Variants in PDE1A observed in about 807,000 individuals in gnomAD.
The protein encoded by PDE1A is phosphodiesterase 1A, also known as dual specificity calcium/calmodulin-dependent 3',5'-cyclic nucleotide phosphodiesterase 1A.
Under a neutral mutation model 61.7 loss-of-function variants are expected in PDE1A, and 35 were observed. The observed-to-expected ratio is 0.57, with a 90% CI of 0.43 to 0.75. The LOEUF is 0.75. PDE1A is among the 30% of genes least tolerant of loss of function. The pLI, the probability that PDE1A is intolerant of heterozygous loss-of-function variation, is 0.00. For missense variants in PDE1A, 597 were observed against 630.6 expected (o/e 0.95, Z 0.57); for synonymous variants, 232 against 213.2 (o/e 1.09, Z -0.77).
chr2:182,554,687 T>C, the PDE1A span, among the ~76,000 whole-genome samples: 3 of 152,210 alleles, frequency 2.0e-5, no homozygotes, highest in Non-Finnish European at 2.9e-5. Flanking sequence ...AAATAATGCA[T>C]GCACAGCCTT....
chr2:182,592,298 A>G, the PDE1A span, among the ~76,000 whole-genome samples: 2 of 152,330 alleles, frequency 1.3e-5, no homozygotes, highest in Non-Finnish European at 2.9e-5. Flanking sequence ...TTTCTCTCCG[A>G]GTTTCATCCA....
At chr2:182,179,671 AC>A (rs1375313815) in intron 13 of PDE1A, among the ~76,000 whole-genome samples, 1 of 151,028 alleles carries the variant, frequency 6.6e-6, no homozygotes, top group Non-Finnish European at 1.5e-5. Context: ...TCCTTTCTCT[AC>A]CCCCTCCTCT....
chr2:182,381,860 G>T (rs1045733578), intron 1 of PDE1A, among the ~76,000 whole-genome samples: 7 of 151,610 alleles, frequency 4.6e-5, no homozygotes, highest in Non-Finnish European at 1.0e-4. Context: ...GTTTAATTTT[G>T]TTCCCAAAGA....
chr2:182,424,657 G>A (rs528204201), intron 1 of PDE1A, among the ~76,000 whole-genome samples: 3 of 152,282 alleles, frequency 2.0e-5, no homozygotes, highest in Admixed American at 6.5e-5. Context: ...ACTAGCTATC[G>A]GGAAGTCTGT....
At chr2:182,383,072 A>T (rs568203670) in intron 1 of PDE1A, among the ~76,000 whole-genome samples, 2 of 152,256 alleles carry the variant, frequency 1.3e-5, no homozygotes, top group African/African-American at 4.8e-5. Context: ...TCCTTGCCTC[A>T]TCTGCAATTA....
At chr2:182,331,803 G>A (rs903223673) in intron 1 of PDE1A, among the ~76,000 whole-genome samples, 3 of 152,080 alleles carry the variant, frequency 2.0e-5, no homozygotes, top group Admixed American at 1.3e-4. Flanking sequence ...TTTCAACCTT[G>A]GTGAATCTGA....
the PDE1A span, among the ~76,000 whole-genome samples, chr2:182,589,269 G>GAGGAAGGAAGGAAGGA: frequency 1.8e-3 from 214 of 121,898 alleles, 1 homozygote; most frequent in African/African-American, 4.8e-3. Flanking sequence ...GGGAGGGAGG[G>GAGGAAGGAAGGAAGGA]AGGAAGGAAG....
At chr2:182,621,597 G>A in the PDE1A span, among the ~76,000 whole-genome samples, 2 of 149,190 alleles carry the variant, frequency 1.3e-5, no homozygotes, top group East Asian at 3.9e-4. Flanking sequence ...TTTTTTTTTT[G>A]GTTATCATTA....
chr2:182,375,245 C>T (rs1374363902), intron 1 of PDE1A, among the ~76,000 whole-genome samples: 1 of 152,156 alleles, frequency 6.6e-6, no homozygotes, highest in Non-Finnish European at 1.5e-5. Flanking sequence ...CTCATTTTAG[C>T]ATTAACCCAA....
intron 2 of PDE1A, among the ~76,000 whole-genome samples, chr2:182,492,873 A>T (rs1559510933): frequency 6.6e-6 from 1 of 152,188 alleles, no homozygotes; most frequent in Non-Finnish European, 1.5e-5. Context: ...ACATACTAAA[A>T]AGTCATTGGC....
At chr2:182,256,952 G>A (rs1330328764) in intron 2 of PDE1A, among the ~76,000 whole-genome samples, 2 of 152,104 alleles carry the variant, frequency 1.3e-5, no homozygotes, top group African/African-American at 4.8e-5. Context: ...ATTCCTCATA[G>A]TATCATCTTC....
intron 1 of PDE1A, among the ~76,000 whole-genome samples, chr2:182,368,408 T>C: frequency 6.6e-6 from 1 of 151,320 alleles, no homozygotes; most frequent in Non-Finnish European, 1.5e-5. Flanking sequence ...CATAACATTT[T>C]CCCCTTCCCA....
chr2:182,232,096 C>T (rs1689630796), intron 4 of PDE1A, among the ~76,000 whole-genome samples: 1 of 152,012 alleles, frequency 6.6e-6, no homozygotes, highest in East Asian at 1.9e-4. Flanking sequence ...AGGAAGTGGG[C>T]CTTTTGATTG....
chr2:182,568,739 G>T, the PDE1A span, among the ~76,000 whole-genome samples: 1 of 152,016 alleles, frequency 6.6e-6, no homozygotes, highest in Non-Finnish European at 1.5e-5. Context: ...ATGCTTAGTT[G>T]GTATACAACA....
At chr2:182,557,985 A>C in the PDE1A span, among the ~76,000 whole-genome samples, 3 of 152,262 alleles carry the variant, frequency 2.0e-5, no homozygotes, top group Admixed American at 6.5e-5. Flanking sequence ...AATTGTTATA[A>C]AATCTGTTAT....
chr2:182,533,754 T>C, the PDE1A span, among the ~76,000 whole-genome samples: 4 of 152,104 alleles, frequency 2.6e-5, no homozygotes, highest in Non-Finnish European at 5.9e-5. Flanking sequence ...TCTTTCAGGG[T>C]ATAGAGACAT....
chr2:182,152,595 A>G (rs1387198783), intron 13 of PDE1A, among the ~76,000 whole-genome samples: 1 of 151,394 alleles, frequency 6.6e-6, no homozygotes, highest in African/African-American at 2.4e-5. Flanking sequence ...TAATTTTTGT[A>G]TTTTTAGTAG....
chr2:182,510,935 G>C (rs1689741205), intron 2 of PDE1A, among the ~76,000 whole-genome samples: 1 of 152,060 alleles, frequency 6.6e-6, no homozygotes, highest in South Asian at 2.1e-4. Context: ...TTGTCTTTCT[G>C]CATCTTGACA....
At chr2:182,669,577 GTTAT>G in the PDE1A span, among the ~76,000 whole-genome samples, 5 of 152,122 alleles carry the variant, frequency 3.3e-5, no homozygotes, top group African/African-American at 1.2e-4. Flanking sequence ...TATTAAGCAT[GTTAT>G]TTCTTTCCCA....
Sources: gnomAD v4.1 joint callset for allele counts (sites outside exome capture counted in the v4.1 genomes callset) on GRCh38, gnomAD v4.1.1 for gene constraint, MANE v1.5 for transcripts, NCBI Gene and HGNC (gene_info 2026-07-23, HGNC 2026-07-21) for gene names.